CCR3: variants seen among roughly 807,000 people sequenced by gnomAD.
The protein encoded by CCR3 is C-C motif chemokine receptor 3.
For synonymous variants in CCR3, 203 were observed against 179.2 expected (o/e 1.13, Z -1.06); for missense variants, 419 against 437.5 (o/e 0.96, Z 0.38).
intron 2 of CCR3, among the ~76,000 whole-genome samples, chr3:46,213,061 G>T (rs1419027166): frequency 6.6e-6 from 1 of 152,182 alleles, no homozygotes; most frequent in Admixed American, 6.5e-5. Flanking sequence ...TATTAGCTCT[G>T]GTTTGAAATT....
intron 1 of CCR3, among the ~76,000 whole-genome samples, chr3:46,248,812 G>A (rs1036041464): frequency 6.6e-6 from 1 of 152,238 alleles, no homozygotes; most frequent in Admixed American, 6.5e-5. Context: ...ACAGAATAAT[G>A]GGTAGTAGAG....
At chr3:46,264,462 A>G (rs1700581228) in intron 1 of CCR3, 1 of 1,518,386 alleles carries the variant, frequency 6.6e-7, no homozygotes, top group Non-Finnish European at 8.8e-7. Context: ...TCAAGTCCGT[A>G]GCAAATTTTT....
chr3:46,210,963 A>T (rs1249940234), intron 2 of CCR3: 1 of 152,228 alleles, frequency 6.6e-6, no homozygotes, highest in Admixed American at 6.5e-5. Flanking sequence ...AGCTTGAAGG[A>T]CAATTGACTC....
intron 2 of CCR3, among the ~76,000 whole-genome samples, chr3:46,213,249 G>C (rs1691111947): frequency 6.6e-6 from 1 of 152,218 alleles, no homozygotes. Flanking sequence ...CCCACATCTA[G>C]GGTTGGGGCC....
At chr3:46,251,044 AGAAGGGG>A (rs1322693182) in intron 1 of CCR3, among the ~76,000 whole-genome samples, 2 of 151,842 alleles carry the variant, frequency 1.3e-5, no homozygotes, top group Admixed American at 6.6e-5. Flanking sequence ...AGAGTGAAGG[AGAAGGGG>A]TTGAGGGGTA....
At chr3:46,263,115 C>T (rs1491962) in intron 1 of CCR3, among the ~76,000 whole-genome samples, 82,632 of 152,092 alleles carry the variant, frequency 0.54, 23,355 homozygotes, top group East Asian at 0.9. Flanking sequence ...TTTATCATCC[C>T]GATCATGTTG....
chr3:46,234,624 A>G (rs1700003913), intron 2 of CCR3, among the ~76,000 whole-genome samples: 1 of 145,036 alleles, frequency 6.9e-6, no homozygotes, highest in Non-Finnish European at 1.6e-5. Flanking sequence ...AGCACCCCAC[A>G]AAATACCCCC....
At position 46,265,923 on chromosome 3, in the gene CCR3, C is replaced by T. The variant is rs768264289; in HGVS notation, c.765C>T (p.Tyr255=). 1 of 1,614,154 alleles carries T rather than the reference C, an allele frequency of 6.2e-7. No individual in the cohort carries two copies. ...TGTTTTTCATTTTCTGGACACCCTA[C>T]AATGTGGCTATCCTTCTCTCTTCCT... ...MAVFFIFWTP[Y]NVAILLSSYQ... is the part of the protein sequence containing the mutation. The change falls in exon 2 of 2, where the codon TAC becomes TAT. Residue 255 remains tyrosine (Y), a synonymous_variant. Transcript: ENST00000395940.
At chr3:46,211,270 C>T (rs992394981) in intron 2 of CCR3, among the ~76,000 whole-genome samples, 4 of 149,806 alleles carry the variant, frequency 2.7e-5, no homozygotes, top group Admixed American at 6.7e-5. Flanking sequence ...ATGATCATGG[C>T]TCACTGCAGC....
chr3:46,211,122 G>C (rs1047855840), intron 2 of CCR3, among the ~76,000 whole-genome samples: 1 of 152,002 alleles, frequency 6.6e-6, no homozygotes, highest in African/African-American at 2.4e-5. Flanking sequence ...TCTACAGAGG[G>C]CTTGTTAAAA....
At chr3:46,215,094 T>C (rs754197307) in intron 2 of CCR3, among the ~76,000 whole-genome samples, 1 of 152,090 alleles carries the variant, frequency 6.6e-6, no homozygotes, top group Non-Finnish European at 1.5e-5. Context: ...CAGGCAGGAA[T>C]GAAGAGCTGA....
intron 2 of CCR3, among the ~76,000 whole-genome samples, chr3:46,234,806 C>T (rs890331774): frequency 1.3e-5 from 2 of 152,232 alleles, no homozygotes; most frequent in Admixed American, 6.5e-5. Flanking sequence ...ACCACCATCA[C>T]CAGCATTTAG....
intron 2 of CCR3, among the ~76,000 whole-genome samples, chr3:46,229,459 A>G (rs1250418593): frequency 6.6e-6 from 1 of 152,184 alleles, no homozygotes; most frequent in Non-Finnish European, 1.5e-5. Context: ...AAAACCTAAA[A>G]TGTATAGCAT....
intron 2 of CCR3, among the ~76,000 whole-genome samples, chr3:46,236,577 C>A (rs1270299209): frequency 6.6e-6 from 1 of 152,244 alleles, no homozygotes; most frequent in Non-Finnish European, 1.5e-5. Context: ...TTCTTATCTT[C>A]TCTTTTGCAG....
At chr3:46,221,266 T>C (rs918882565) in intron 2 of CCR3, among the ~76,000 whole-genome samples, 3 of 152,220 alleles carry the variant, frequency 2.0e-5, no homozygotes, top group Non-Finnish European at 4.4e-5. Context: ...AGAGTACCTA[T>C]AGGCCATGAA....
chr3:46,251,913 T>C (rs551976739), intron 1 of CCR3, among the ~76,000 whole-genome samples: 2 of 152,156 alleles, frequency 1.3e-5, no homozygotes, highest in East Asian at 3.9e-4. Context: ...GGACCAGCCA[T>C]TTACACTTCT....
At chr3:46,246,874 T>A (rs1249582834) in intron 1 of CCR3, among the ~76,000 whole-genome samples, 1 of 152,024 alleles carries the variant, frequency 6.6e-6, no homozygotes, top group Non-Finnish European at 1.5e-5. Context: ...CGTGGGAACC[T>A]AGAGTGGGAG....
intron 1 of CCR3, among the ~76,000 whole-genome samples, chr3:46,253,108 C>A (rs943645464): frequency 6.6e-6 from 1 of 152,018 alleles, no homozygotes; most frequent in East Asian, 1.9e-4. Flanking sequence ...CCCAGTGACT[C>A]CCACATGCAG....
rs375276435 is a variant in CCR3 at position 46,233,052 on chromosome 3, C to T, written c.-67-9350C>T. 2.6e-5 allele frequency among the ~76,000 whole-genome samples: 4 copies of T among 152,330 alleles called. No individual in the cohort carries two copies. In the East Asian group the frequency reaches 5.8e-4, roughly 22 times the overall value. ...TTCACCATGTTGGCCAGGCTGGTCT[C>T]GAACTCCTGACCTCGTGATCCACGT... is the stretch of plus-strand genomic sequence containing the variant. On this transcript the variant is annotated intron_variant, in intron 2 of 3. Coordinates refer to the CCR3 transcript ENST00000357422.
Sources: gnomAD v4.1 joint callset for allele counts (sites outside exome capture counted in the v4.1 genomes callset) on GRCh38, gnomAD v4.1.1 for gene constraint, MANE v1.5 for transcripts, NCBI Gene and HGNC (gene_info 2026-07-23, HGNC 2026-07-21) for gene names.